CAPN6: variants seen among roughly 807,000 people sequenced by gnomAD.
The protein encoded by CAPN6 is calpain-6.
CAPN6 carries 16 observed loss-of-function variants against 46.0 expected under a neutral mutation model. The observed-to-expected ratio is 0.35, with a 90% CI of 0.24 to 0.53. The LOEUF (loss-of-function observed/expected upper bound fraction) is 0.53, where lower values mean the gene tolerates loss of function less well. CAPN6 is among the 20% of genes least tolerant of loss of function. The pLI, the probability that CAPN6 is intolerant of heterozygous loss-of-function variation, is 0.94. For missense variants in CAPN6, 461 were observed against 498.0 expected, an observed-to-expected ratio of 0.93 and a Z score of 0.71; for synonymous variants, 206 against 172.8, an observed-to-expected ratio of 1.19 and a Z score of -1.51.
At position 111,266,122 on chromosome X, in the gene CAPN6, T is replaced by C. The variant is rs762805822; in HGVS notation, c.-15-2171A>G. 1.9e-5 allele frequency among the ~76,000 whole-genome samples: 2 copies of C among 105,426 alleles called. 1 individual carries two copies. Among genetic ancestry groups the C allele is most frequent in the South Asian group, 8.7e-4 (2 of 2,311 alleles). The allele number at this position is 105,426 out of a possible 115,157, so 91.5% of individuals were successfully genotyped here. On this transcript the variant is annotated intron_variant, in intron 1 of 12. Coordinates refer to ENST00000324068, the MANE Select transcript of CAPN6 (RefSeq NM_014289.4). ...AACTTCCACTACAGTACAACTGTAG[T>C]CCCAAGTCCTCTCGGACTTGGAGAG...
chrX:111,252,539 T>C, intron 4 of CAPN6, 40 bp from the exon 5 acceptor site: 1 of 1,086,225 alleles, frequency 9.2e-7, no homozygotes, highest in African/African-American at 1.8e-5. Flanking sequence ...TAAAATTGTT[T>C]TTCCAGGTCA....
chrX:111,257,604 A>G (rs1169336461), intron 2 of CAPN6, among the ~76,000 whole-genome samples: 1 of 112,120 alleles, frequency 8.9e-6, no homozygotes, highest in Non-Finnish European at 1.9e-5. Flanking sequence ...TTTGAAAACA[A>G]CAAAATGACT....
At chrX:111,267,466 G>A (rs185809736) in intron 1 of CAPN6, among the ~76,000 whole-genome samples, 49 of 111,750 alleles carry the variant, frequency 4.4e-4, no homozygotes, top group African/African-American at 1.5e-3. Context: ...GGAAGTTGAG[G>A]GAGACTGCCA....
At chrX:111,262,831 A>G (rs1442380414) in intron 2 of CAPN6, among the ~76,000 whole-genome samples, 1 of 112,127 alleles carries the variant, frequency 8.9e-6, no homozygotes, top group African/African-American at 3.2e-5. Flanking sequence ...AGAGAACCAC[A>G]ACAACTATTA....
intron 2 of CAPN6, among the ~76,000 whole-genome samples, chrX:111,257,458 C>A (rs1457650189): frequency 8.9e-6 from 1 of 111,859 alleles, no homozygotes; most frequent in East Asian, 2.8e-4. Context: ...GAAATAAATC[C>A]TTTATTAAGC....
intron 2 of CAPN6, among the ~76,000 whole-genome samples, chrX:111,254,684 C>T (rs1046843153): frequency 9.0e-6 from 1 of 111,022 alleles, no homozygotes; most frequent in Non-Finnish European, 1.9e-5. Flanking sequence ...TTAGACATAG[C>T]TATCATTGGG....
At chrX:111,251,953 T>G (rs916876843) in intron 5 of CAPN6, among the ~76,000 whole-genome samples, 2 of 111,915 alleles carry the variant, frequency 1.8e-5, no homozygotes, top group Non-Finnish European at 3.8e-5. Context: ...ATTCAAACTA[T>G]CCACTGTAGG....
intron 4 of CAPN6, 68 bp from the exon 5 acceptor site, chrX:111,252,567 AG>A (rs1478302341): frequency 1.7e-5 from 15 of 900,818 alleles, no homozygotes; most frequent in Non-Finnish European, 1.7e-5. Context: ...CATAATCTAA[AG>A]AATCAGAACA....
chrX:111,252,894 T>C, intron 4 of CAPN6, 114 bp downstream of exon 4: 1 of 593,408 alleles, frequency 1.7e-6, no homozygotes. Flanking sequence ...CTGACTGACA[T>C]CTTACCCAAC....
At chrX:111,266,781 T>G (rs1396149071) in intron 1 of CAPN6, among the ~76,000 whole-genome samples, 1 of 112,684 alleles carries the variant, frequency 8.9e-6, no homozygotes. Context: ...CTGCTTCTTT[T>G]GGTCACTGCC....
At chrX:111,254,551 G>A (rs1470278350) in intron 2 of CAPN6, 148 bp from the exon 3 acceptor site, 1 of 407,083 alleles carries the variant, frequency 2.5e-6, no homozygotes, top group East Asian at 3.9e-5. Flanking sequence ...ATGAAGGGAA[G>A]GCTGAGGGGA....
intron 5 of CAPN6, 92 bp from the exon 6 acceptor site, chrX:111,251,834 T>C (rs1291639383): frequency 9.5e-6 from 7 of 737,345 alleles, no homozygotes; most frequent in South Asian, 8.8e-5. Flanking sequence ...CCAGTAGGAT[T>C]GAAGCTAGTT....
intron 12 of CAPN6, 137 bp downstream of exon 12, chrX:111,247,231 G>T: frequency 2.0e-6 from 1 of 491,318 alleles, no homozygotes; most frequent in Non-Finnish European, 3.3e-6. Flanking sequence ...TTGATGAGAA[G>T]AGTTTTTGAG....
chrX:111,264,007 G>T, intron 1 of CAPN6, 56 bp from the exon 2 acceptor site: 1 of 813,919 alleles, frequency 1.2e-6, no homozygotes, highest in Admixed American at 3.3e-5. Context: ...TCTTTTAAGG[G>T]TTACCTGAGA....
Position 111,251,123 on chromosome X carries a change from GA to G in CAPN6, c.972-21del, listed in dbSNP as rs777343208. The G allele has an allele frequency of 5.0e-6, 6 of 1,207,105 alleles. No individual in the cohort carries two copies. Among genetic ancestry groups the G allele is most frequent in the African/African-American group, 1.8e-5 (1 of 56,954 alleles). On this transcript the variant is annotated intron_variant, in intron 7 of 12. Transcript: ENST00000324068. ...CTCATCCTGAATGGAAGGAGCACAG[GA>G]AAAAAATAAAGATGGTATTTAATAC...
At chrX:111,254,462 T>C in intron 2 of CAPN6, 59 bp from the exon 3 acceptor site, 1 of 941,398 alleles carries the variant, frequency 1.1e-6, no homozygotes, top group South Asian at 2.2e-5. Context: ...AGAGTCACTG[T>C]GAGCTGAACT....
At chrX:111,255,311 T>C (rs777192504) in intron 2 of CAPN6, among the ~76,000 whole-genome samples, 20 of 112,154 alleles carry the variant, frequency 1.8e-4, no homozygotes, top group Non-Finnish European at 3.8e-4. Context: ...AACACTGGAG[T>C]TGACTAGAAT....
In CAPN6 at chrX:111,251,208, C is replaced by T. The variant is rs1478311452; in HGVS notation, c.971+1G>A. 5.0e-6 allele frequency: 6 copies of T among 1,207,404 alleles called. No individual in the cohort carries two copies. Among genetic ancestry groups the T allele is most frequent in the Non-Finnish European group, 5.6e-6 (5 of 894,434 alleles). On this transcript the variant is annotated splice_donor_variant, in intron 7 of 12. Transcript: ENST00000324068. LOFTEE classifies it high-confidence loss of function. ...CCCTTAGTGCAGAAACCCCTCCTCACCAAAACTCTCCATCATCAGACATAA... is the reference window on the plus strand; with the variant it reads ...CCCTTAGTGCAGAAACCCCTCCTCATCAAAACTCTCCATCATCAGACATAA...
At chrX:111,253,702 A>C (rs988770764) in intron 3 of CAPN6, among the ~76,000 whole-genome samples, 1 of 112,044 alleles carries the variant, frequency 8.9e-6, no homozygotes, top group Non-Finnish European at 1.9e-5. Flanking sequence ...ATGTTTAGGA[A>C]TTTTTTTTGT....
Sources: gnomAD v4.1 joint callset for allele counts (sites outside exome capture counted in the v4.1 genomes callset) on GRCh38, gnomAD v4.1.1 for gene constraint, MANE v1.5 for transcripts, NCBI Gene and HGNC (gene_info 2026-07-23, HGNC 2026-07-21) for gene names.